OAS2: variants seen among roughly 807,000 people sequenced by gnomAD.
OAS2 encodes 2'-5'-oligoadenylate synthase 2.
A neutral mutation model predicts 71.3 loss-of-function variants in OAS2; 67 were observed. The ratio of observed to expected loss-of-function variants is 0.94; its 90% CI spans 0.77 to 1.15. The LOEUF (loss-of-function observed/expected upper bound fraction) is 1.15, where lower values mean the gene tolerates loss of function less well. Among genes scored for constraint, OAS2 ranks in the 50% most tolerant of loss-of-function variants. OAS2 has a pLI of 0.00. For missense variants in OAS2, 789 were observed against 822.5 expected (o/e 0.96, Z 0.50); for synonymous variants, 327 against 321.8 (o/e 1.02, Z -0.17).
intron 2 of OAS2, among the ~76,000 whole-genome samples, chr12:112,992,095 C>A (rs550322702): frequency 7.3e-6 from 1 of 137,220 alleles, no homozygotes; most frequent in Admixed American, 7.4e-5. Flanking sequence ...CATATAATCA[C>A]AAACTTAAAT....
chr12:113,009,885 T>C lies in OAS2; in HGVS notation c.*630T>C. 2 of 986,950 alleles carry C rather than the reference T, an allele frequency of 2.0e-6. No individual in the cohort carries two copies. The highest frequency in any genetic ancestry group is 2.4e-6 in the Non-Finnish European group (2 of 831,132). 61.1% of individuals were successfully genotyped at this position (986,950 alleles called of 1,614,324 possible). On this transcript the variant is annotated 3_prime_UTR_variant, in exon 10 of 10. Coordinates refer to ENST00000392583, the MANE Select transcript of OAS2 (RefSeq NM_002535.3). Reference sequence around the variant, plus strand: ...CCTACCTACCAAGATATACCTGATATATTCCACCAGGATATCCTCCCTCCA... The same window carrying C: ...CCTACCTACCAAGATATACCTGATACATTCCACCAGGATATCCTCCCTCCA...
At chr12:112,996,707 C>G (rs1426218034) in intron 3 of OAS2, among the ~76,000 whole-genome samples, 4 of 152,028 alleles carry the variant, frequency 2.6e-5, no homozygotes, top group Non-Finnish European at 5.9e-5. Flanking sequence ...AGCCATAAAT[C>G]AACACATGGA....
intron 2 of OAS2, among the ~76,000 whole-genome samples, chr12:112,989,064 C>T (rs1238697610): frequency 6.6e-6 from 1 of 152,168 alleles, no homozygotes; most frequent in Non-Finnish European, 1.5e-5. Flanking sequence ...GCTGTGTCCC[C>T]ACCAAATCTC....
At position 112,978,758 on chromosome 12, in the gene OAS2, G is replaced by C; in HGVS notation, c.150G>C (p.Gln50His). The C allele has an allele frequency of 6.2e-7, 1 of 1,613,890 alleles. No individual in the cohort carries two copies. Among genetic ancestry groups the C allele is most frequent in the Non-Finnish European group, 8.5e-7 (1 of 1,179,894 alleles). The change falls in exon 1 of 10, where the codon CAG becomes CAC. Residue 50 changes from glutamine (Q) to histidine (H), a missense_variant. Coordinates refer to ENST00000392583, the MANE Select transcript of OAS2 (RefSeq NM_002535.3). The surrounding 1 kb of genome is among the most constrained non-coding windows in gnomAD (Gnocchi z 4.2). Reference sequence around the variant, plus strand: ...GTGACGTCCTGCAGGAACCCGAACAGTTCCCCCTGGTGCAGGGAGTGGCCA... The same window carrying C: ...GTGACGTCCTGCAGGAACCCGAACACTTCCCCCTGGTGCAGGGAGTGGCCA... ...TICDVLQEPE[Q>H]FPLVQGVAIG...
chr12:113,004,832 C>T (rs951846088), intron 6 of OAS2, 102 bp from the exon 7 acceptor site: 3 of 1,190,808 alleles, frequency 2.5e-6, no homozygotes, highest in Non-Finnish European at 3.6e-6. Flanking sequence ...CAGAACTTGG[C>T]CTTGGAAACA....
At chr12:112,981,730 T>G (rs2044084888) in intron 1 of OAS2, among the ~76,000 whole-genome samples, 1 of 152,176 alleles carries the variant, frequency 6.6e-6, no homozygotes, top group Non-Finnish European at 1.5e-5. Context: ...TTAGGATTGT[T>G]TTTTCTATTT....
At position 113,010,457 on chromosome 12, in the gene OAS2, G is replaced by C. The variant is rs371971332; in HGVS notation, c.*1202G>C. On this transcript the variant is annotated 3_prime_UTR_variant, in exon 10 of 10. Transcript: ENST00000392583. ...TCTCATCCAGAAGCCATAGAATCCT[G>C]AATAATAATTCTAAAAGAAACTTCT... 1.1e-5 allele frequency: 17 copies of C among 1,613,538 alleles called. No individual in the cohort carries two copies. The highest frequency in any genetic ancestry group is 1.4e-5 in the Non-Finnish European group (17 of 1,179,858).
At position 112,987,648 on chromosome 12, in the gene OAS2, T is replaced by A. The variant is rs535338222; in HGVS notation, c.448+340T>A. ...TGAGTTAGAGCCCAGGATTTCATATTTCTAGCCAGCTCCATGATGAGCTGC... is the reference window on the plus strand; with the variant it reads ...TGAGTTAGAGCCCAGGATTTCATATATCTAGCCAGCTCCATGATGAGCTGC... On this transcript the variant is annotated intron_variant, in intron 2 of 9. Transcript: ENST00000392583. 6 of 1,162,980 alleles carry A rather than the reference T, an allele frequency of 5.2e-6. No individual in the cohort carries two copies. The South Asian group carries it at 1.6e-4, about 31-fold the overall frequency. 72.0% of individuals were successfully genotyped at this position (1,162,980 alleles called of 1,614,324 possible).
At chr12:113,002,047 G>A (rs1298630533) in intron 5 of OAS2, among the ~76,000 whole-genome samples, 1 of 151,770 alleles carries the variant, frequency 6.6e-6, no homozygotes, top group Non-Finnish European at 1.5e-5. Flanking sequence ...AAAAAACATG[G>A]GTTAGAATCA....
At chr12:112,990,674 A>G (rs951250962) in intron 2 of OAS2, among the ~76,000 whole-genome samples, 15 of 152,222 alleles carry the variant, frequency 9.9e-5, no homozygotes, top group African/African-American at 3.1e-4. Context: ...AAAGAAATAT[A>G]TTTTGGGGTA....
At chr12:113,000,487 C>T (rs1387846720) in intron 5 of OAS2, among the ~76,000 whole-genome samples, 2 of 151,708 alleles carry the variant, frequency 1.3e-5, no homozygotes, top group African/African-American at 4.9e-5. Context: ...CACATACACA[C>T]ACACACACAC....
intron 1 of OAS2, among the ~76,000 whole-genome samples, chr12:112,986,482 G>A (rs111816632): frequency 0.024 from 3,700 of 152,266 alleles, 139 homozygotes; most frequent in African/African-American, 0.084. Flanking sequence ...TGGTCCCCAG[G>A]CCCTTGGGAG....
chr12:112,987,943 A>T (rs539901366), intron 2 of OAS2: 26 of 985,364 alleles, frequency 2.6e-5, no homozygotes, highest in African/African-American at 3.5e-5. Context: ...TTGTTAAAGT[A>T]ACCTCTGCTT....
intron 7 of OAS2, among the ~76,000 whole-genome samples, chr12:113,005,547 A>AAAAC (rs1261072718): frequency 6.6e-6 from 1 of 150,658 alleles, no homozygotes. Context: ...ACTCCGTCTG[A>AAAAC]AAACAAACAA....
In OAS2 at chr12:113,010,627, T is replaced by TA; in HGVS notation, c.*1375dup. 7.7e-7 allele frequency: 1 copy of TA among 1,304,134 alleles called. No homozygotes were observed. Among genetic ancestry groups the TA allele is most frequent in the Non-Finnish European group, 1.0e-6 (1 of 998,070 alleles). The allele number at this position is 1,304,134 out of a possible 1,614,324, so 80.8% of individuals were successfully genotyped here. ...TCAATCAAGACTGCAAACCCTTTCA[T>TA]AAAGTCTTGCCTTGCTGAACTCCCT... is the stretch of plus-strand genomic sequence containing the variant. On this transcript the variant is annotated 3_prime_UTR_variant, in exon 10 of 10. Coordinates refer to ENST00000392583, the MANE Select transcript of OAS2 (RefSeq NM_002535.3).
chr12:113,007,929 G>A lies in OAS2; in HGVS notation c.1881G>A (p.Gln627=), dbSNP rs751867371. 2.5e-6 allele frequency: 4 copies of A among 1,613,770 alleles called. No individual in the cohort carries two copies. The East Asian group carries it at 8.9e-5, about 36-fold the overall frequency. ...DETVRKFLLS[Q]LQKTRPVILD... ...CCGTGAGGAAGTTTCTACTGAGCCA[G>A]TTGCAGAAAACCAGGTGCCTTCACC... The change falls in exon 9 of 10, where the codon CAG becomes CAA. Residue 627 remains glutamine, a synonymous_variant. Transcript: ENST00000392583.
intron 5 of OAS2, among the ~76,000 whole-genome samples, chr12:112,999,755 A>G (rs1210391172): frequency 6.6e-6 from 1 of 152,180 alleles, no homozygotes; most frequent in Non-Finnish European, 1.5e-5. Flanking sequence ...CCGACCTGAC[A>G]TCTTATTCTG....
intron 5 of OAS2, among the ~76,000 whole-genome samples, chr12:112,999,588 G>C (rs772416285): frequency 6.6e-6 from 1 of 152,174 alleles, no homozygotes; most frequent in African/African-American, 2.4e-5. Context: ...GTCTATGAAT[G>C]GGGAACTTCC....
intron 2 of OAS2, among the ~76,000 whole-genome samples, chr12:112,994,866 A>C (rs755526208): frequency 6.6e-6 from 1 of 152,232 alleles, no homozygotes; most frequent in Non-Finnish European, 1.5e-5. Flanking sequence ...ATTCTGAAGT[A>C]AAATATTCAC....
Sources: gnomAD v4.1 joint callset for allele counts (sites outside exome capture counted in the v4.1 genomes callset) on GRCh38, gnomAD v4.1.1 for gene constraint, Gnocchi (gnomAD v3.1) non-coding constraint, MANE v1.5 for transcripts, NCBI Gene and HGNC (gene_info 2026-07-23, HGNC 2026-07-21) for gene names.